The following C10orf90 variants were observed in gnomAD, a reference collection of about 807,000 sequenced individuals.
C10orf90 encodes the protein (E2-independent) E3 ubiquitin-conjugating enzyme FATS.
A neutral mutation model predicts 62.5 loss-of-function variants in C10orf90; 56 were observed. That is an observed-to-expected ratio of 0.90 (90% confidence interval 0.72 to 1.12). The LOEUF (loss-of-function observed/expected upper bound fraction) is 1.12. Among genes scored for constraint, C10orf90 ranks in the 50% most tolerant of loss-of-function variants. The pLI is 0.00. For synonymous variants in C10orf90, 386 were observed against 340.4 expected (o/e 1.13, Z -1.47); for missense variants, 970 against 880.4 (o/e 1.10, Z -1.29).
intron 4 of C10orf90, among the ~76,000 whole-genome samples, chr10:126,501,051 T>A (rs1377864139): frequency 6.6e-6 from 1 of 152,218 alleles, no homozygotes; most frequent in Non-Finnish European, 1.5e-5. Flanking sequence ...AGACTGCTAA[T>A]AGCATGTGTA....
chr10:126,539,949 A>T (rs1461534841), intron 2 of C10orf90, among the ~76,000 whole-genome samples: 1 of 152,224 alleles, frequency 6.6e-6, no homozygotes, highest in Non-Finnish European at 1.5e-5. Flanking sequence ...ATTTCAGGTG[A>T]TATAATTATC....
intron 7 of C10orf90, among the ~76,000 whole-genome samples, chr10:126,452,099 T>C (rs1419753528): frequency 1.3e-5 from 2 of 152,220 alleles, no homozygotes; most frequent in Admixed American, 6.5e-5. Flanking sequence ...TCACCAAAAG[T>C]ATGCAAGGTG....
At chr10:126,436,823 A>G (rs1857952043) in intron 7 of C10orf90, among the ~76,000 whole-genome samples, 1 of 151,574 alleles carries the variant, frequency 6.6e-6, no homozygotes. Context: ...TGTTGTTGTT[A>G]TTTTTGTTTT....
chr10:126,578,933 G>A (rs1261520727), intron 2 of C10orf90, among the ~76,000 whole-genome samples: 2 of 152,126 alleles, frequency 1.3e-5, no homozygotes, highest in Non-Finnish European at 2.9e-5. Context: ...AAAAGACATG[G>A]GAGAAATTCA....
chr10:126,473,297 T>C (rs1860683508), intron 4 of C10orf90, among the ~76,000 whole-genome samples: 1 of 152,222 alleles, frequency 6.6e-6, no homozygotes, highest in African/African-American at 2.4e-5. Context: ...ACCACCTCTG[T>C]TGTCAGGCAC....
chr10:126,605,386 C>G (rs1444617746), intron 2 of C10orf90, among the ~76,000 whole-genome samples: 2 of 152,182 alleles, frequency 1.3e-5, no homozygotes, highest in Non-Finnish European at 2.9e-5. Context: ...GGGGCCAAAG[C>G]CCTGCCAGGT....
chr10:126,563,269 C>A (rs1864944657), intron 2 of C10orf90, among the ~76,000 whole-genome samples: 1 of 152,156 alleles, frequency 6.6e-6, no homozygotes, highest in African/African-American at 2.4e-5. Flanking sequence ...CGCCTGCCAC[C>A]CCCACCCTCA....
chr10:126,619,362 C>T (rs1038179382), intron 2 of C10orf90, among the ~76,000 whole-genome samples: 4 of 152,298 alleles, frequency 2.6e-5, no homozygotes, highest in Admixed American at 6.5e-5. Context: ...CAGCACTGAC[C>T]GCTCAACAGT....
chr10:126,520,807 T>G (rs2133939441), intron 2 of C10orf90: 1 of 153,462 alleles, frequency 6.5e-6, no homozygotes, highest in South Asian at 2.1e-4. Flanking sequence ...GTCCCTCGGC[T>G]TGGGACAGCC....
intron 8 of C10orf90, 84 bp from the exon 9 acceptor site, chr10:126,426,174 C>T: frequency 9.1e-7 from 1 of 1,099,960 alleles, no homozygotes; most frequent in Non-Finnish European, 1.4e-6. Flanking sequence ...TGACGGCAGG[C>T]TCTTACATTT....
At chr10:126,530,893 G>T (rs894610846) in intron 2 of C10orf90, among the ~76,000 whole-genome samples, 2 of 152,114 alleles carry the variant, frequency 1.3e-5, no homozygotes, top group African/African-American at 2.4e-5. Flanking sequence ...TACAGATCAG[G>T]CCAGGCGCGG....
rs113466480 is a variant in C10orf90 at position 126,624,074 on chromosome 10, G to A, written c.313+22491C>T. On this transcript the variant is annotated intron_variant, in intron 2 of 9. Coordinates refer to ENST00000488181, the MANE Select transcript of C10orf90 (RefSeq NM_001350921.2). ...TATCAGAATCCAACTGGGGCCTAGC[G>A]CGGTGGCTCACGCCTGTAATCTCAG... Among the ~76,000 whole-genome samples the A allele has an allele frequency of 5.0e-3, 757 of 152,224 alleles. 4 individuals carry two copies. The highest frequency in any genetic ancestry group is 0.014 in the Middle Eastern group (4 of 294).
Position 126,516,894 on chromosome 10 carries a change from C to G in C10orf90, c.314-2955G>C, listed in dbSNP as rs1219235991. On this transcript the variant is annotated intron_variant, in intron 2 of 9. Coordinates refer to ENST00000488181, the MANE Select transcript of C10orf90 (RefSeq NM_001350921.2). ...TAGAGGCTCACAGCCCCGCATCACT[C>G]AAACTTCTGCTTCCAATATCACATC... Among the ~76,000 whole-genome samples, 4 of 152,356 alleles carry G rather than the reference C, an allele frequency of 2.6e-5. No individual in the cohort carries two copies. The East Asian group carries it at 7.7e-4, about 29-fold the overall frequency.
chr10:126,594,495 C>A (rs143586509), intron 2 of C10orf90, among the ~76,000 whole-genome samples: 2 of 152,176 alleles, frequency 1.3e-5, no homozygotes, highest in Non-Finnish European at 2.9e-5. Flanking sequence ...CCTACACCAA[C>A]CTCTGTTCTA....
At chr10:126,587,342 G>C (rs1248651725) in intron 2 of C10orf90, among the ~76,000 whole-genome samples, 1 of 152,184 alleles carries the variant, frequency 6.6e-6, no homozygotes, top group African/African-American at 2.4e-5. Context: ...CCTTTACCAA[G>C]AGAAATTTAT....
intron 5 of C10orf90, among the ~76,000 whole-genome samples, chr10:126,464,190 T>C (rs1860152657): frequency 6.6e-6 from 1 of 152,176 alleles, no homozygotes; most frequent in South Asian, 2.1e-4. Context: ...GTGTTCTAAT[T>C]CTTGGTTTCT....
At chr10:126,518,198 C>A (rs1342156826) in intron 2 of C10orf90, among the ~76,000 whole-genome samples, 2 of 152,124 alleles carry the variant, frequency 1.3e-5, no homozygotes, top group African/African-American at 4.8e-5. Flanking sequence ...AAATGTGGCC[C>A]CCAGACCAGC....
chr10:126,650,883 C>T (rs1846279022), intron 1 of C10orf90, among the ~76,000 whole-genome samples: 1 of 152,182 alleles, frequency 6.6e-6, no homozygotes, highest in African/African-American at 2.4e-5. Flanking sequence ...AGCCTTCCTT[C>T]CACCCCCCAG....
chr10:126,452,230 C>A (rs1005300088), intron 7 of C10orf90, among the ~76,000 whole-genome samples: 1 of 151,734 alleles, frequency 6.6e-6, no homozygotes, highest in Non-Finnish European at 1.5e-5. Context: ...TGAAACAAAA[C>A]GTGGGCGTAT....
Sources: allele counts gnomAD v4.1 joint callset (sites outside exome capture counted in the v4.1 genomes callset), GRCh38; gene constraint gnomAD v4.1.1; transcripts MANE v1.5; gene names NCBI Gene and HGNC (gene_info 2026-07-23, HGNC 2026-07-21).